The following UGGT1 variants were observed in gnomAD, a reference collection of about 807,000 sequenced individuals.
UGGT1 encodes UDP-glucose:glycoprotein glucosyltransferase 1.
A neutral mutation model predicts 203.9 loss-of-function variants in UGGT1; 107 were observed. The observed-to-expected ratio is 0.52, with a 90% CI of 0.45 to 0.62. The LOEUF (loss-of-function observed/expected upper bound fraction) is 0.62. Ranked by LOEUF, UGGT1 falls within the 20% of genes least tolerant of loss-of-function variation. UGGT1 has a pLI of 0.00. For missense variants in UGGT1, 1,673 were observed against 1,867.2 expected, an observed-to-expected ratio of 0.90 and a Z score of 1.92; for synonymous variants, 628 against 653.5, an observed-to-expected ratio of 0.96 and a Z score of 0.59.
chr2:128,129,025 C>A lies in UGGT1; in HGVS notation c.1227-4C>A. On this transcript the variant is annotated splice_region_variant and splice_polypyrimidine_tract_variant and intron_variant, in intron 12 of 40. Coordinates refer to ENST00000259253, the MANE Select transcript of UGGT1 (RefSeq NM_020120.4). Reference sequence around the variant, plus strand: ...TAAATATCTCTTTTTGTTTTTCCCCCCAGTCTGTTTGATGTGTTGAGGAAT... The same window carrying A: ...TAAATATCTCTTTTTGTTTTTCCCCACAGTCTGTTTGATGTGTTGAGGAAT... 1 of 1,560,814 alleles carries A rather than the reference C, an allele frequency of 6.4e-7. No individual in the cohort carries two copies. The highest frequency in any genetic ancestry group is 8.6e-7 in the Non-Finnish European group (1 of 1,159,542).
chr2:128,190,133 T>C lies in UGGT1; in HGVS notation c.*391T>C, dbSNP rs994231482. ...CACCATGTTCTTCCTTACCTCAGTT[T>C]ACCTGCGGCCTGCGCTGCACTGCAG... On this transcript the variant is annotated 3_prime_UTR_variant, in exon 41 of 41. Coordinates refer to ENST00000259253, the MANE Select transcript of UGGT1 (RefSeq NM_020120.4). 1.7e-5 allele frequency: 3 copies of C among 179,710 alleles called. No individual in the cohort carries two copies. The highest frequency in any genetic ancestry group is 7.0e-5 in the African/African-American group (3 of 42,682). 11.1% of individuals were successfully genotyped at this position (179,710 alleles called of 1,614,324 possible). A position where few individuals can be genotyped will look rare whatever the true frequency, so the allele number is the denominator to read the frequency against.
rs141834309 is a variant in UGGT1 at position 128,130,481 on chromosome 2, G to A, written c.1377+1302G>A. 4.9e-3 allele frequency among the ~76,000 whole-genome samples: 744 copies of A among 152,226 alleles called. 4 individuals carry two copies. Among genetic ancestry groups the A allele is most frequent in the Non-Finnish European group, 8.0e-3 (545 of 68,000 alleles). ...TTATTTTGATGAAGACATTGTTAAT[G>A]TCATTTGCTTTTCTGTTAAAAGTAC... is the stretch of plus-strand genomic sequence containing the variant. On this transcript the variant is annotated intron_variant, in intron 13 of 40. Coordinates refer to ENST00000259253, the MANE Select transcript of UGGT1 (RefSeq NM_020120.4).
intron 11 of UGGT1, among the ~76,000 whole-genome samples, chr2:128,125,263 G>T (rs1231848325): frequency 1.3e-5 from 2 of 152,050 alleles, no homozygotes; most frequent in Admixed American, 1.3e-4. Flanking sequence ...CAGGGAATGA[G>T]CCTTCATTTT....
chr2:128,177,779 G>T, intron 32 of UGGT1, 53 bp from the exon 33 acceptor site: 2 of 1,477,214 alleles, frequency 1.4e-6, no homozygotes, highest in South Asian at 2.6e-5. Context: ...GTGAGAGGCA[G>T]TTTTATGCCT....
At position 128,159,705 on chromosome 2, in the gene UGGT1, G is replaced by A. The variant is rs776432643; in HGVS notation, c.2547G>A (p.Ala849=). The A allele has an allele frequency of 1.2e-5, 19 of 1,613,966 alleles. No individual in the cohort carries two copies. The highest frequency in any genetic ancestry group is 4.0e-5 in the African/African-American group (3 of 74,906). ...CCCTGGCTGCAGGAGCTGACATTGC[G>A]GAGTTCTCTGTTGGGGTAAGGCTCT... is the stretch of plus-strand genomic sequence containing the variant. ...AEALAAGADI[A]EFSVGGMDFS... is the part of the protein sequence containing the mutation. The change falls in exon 23 of 41, where the codon GCG becomes GCA. Residue 849 remains alanine (A), a synonymous_variant. Coordinates refer to ENST00000259253, the MANE Select transcript of UGGT1 (RefSeq NM_020120.4).
intron 5 of UGGT1, among the ~76,000 whole-genome samples, chr2:128,111,228 G>A (rs868722752): frequency 2.6e-5 from 4 of 152,040 alleles, no homozygotes; most frequent in Non-Finnish European, 4.4e-5. Context: ...CCACGCACAC[G>A]CCTTTGGTCC....
chr2:128,163,561 A>G (rs1482860312), intron 25 of UGGT1, among the ~76,000 whole-genome samples: 2 of 151,968 alleles, frequency 1.3e-5, no homozygotes, highest in African/African-American at 4.8e-5. Context: ...TAAAAATACA[A>G]AAAATTAGCC....
chr2:128,191,189 G>T lies in UGGT1; in HGVS notation c.*1447G>T, dbSNP rs1433909100. Reference sequence around the variant, plus strand: ...AAAATACGAGGAGAGGGTGCAGATGGATACTGTGCCCTCACCCTCCTAAGC... The same window carrying T: ...AAAATACGAGGAGAGGGTGCAGATGTATACTGTGCCCTCACCCTCCTAAGC... On this transcript the variant is annotated 3_prime_UTR_variant, in exon 41 of 41. Transcript: ENST00000259253. 6.6e-6 allele frequency: 1 copy of T among 152,236 alleles called. No homozygotes were observed. Among genetic ancestry groups the T allele is most frequent in the African/African-American group, 2.4e-5 (1 of 41,458 alleles). 9.4% of individuals were successfully genotyped at this position (152,236 alleles called of 1,614,324 possible).
chr2:128,164,521 G>T (rs541474466), intron 25 of UGGT1, among the ~76,000 whole-genome samples: 1 of 152,318 alleles, frequency 6.6e-6, no homozygotes, highest in South Asian at 2.1e-4. Context: ...TGCAGCGTGG[G>T]TGCTGTCTCC....
intron 29 of UGGT1, among the ~76,000 whole-genome samples, chr2:128,173,319 A>G (rs1691210171): frequency 6.6e-6 from 1 of 152,242 alleles, no homozygotes; most frequent in African/African-American, 2.4e-5. Flanking sequence ...GTTGTTATGA[A>G]TAATGCTGCT....
Position 128,112,473 on chromosome 2 carries a change from T to TA in UGGT1, c.522-611_522-610insA, listed in dbSNP as rs1553433485. On this transcript the variant is annotated intron_variant, in intron 5 of 40. Transcript: ENST00000259253. Reference sequence around the variant, plus strand: ...ACTATGTTATATATATATATATATATTACATACATACATACTCAAGTTTTA... The same window carrying TA: ...ACTATGTTATATATATATATATATATATACATACATACATACTCAAGTTTTA... Among the ~76,000 whole-genome samples the TA allele has an allele frequency of 4.5e-4, 54 of 120,354 alleles. 1 individual carries two copies. Among genetic ancestry groups the TA allele is most frequent in the East Asian group, 1.9e-3 (7 of 3,672 alleles). The allele number at this position is 120,354 out of a possible 152,430, so 79.0% of individuals were successfully genotyped here.
At chr2:128,153,062 G>C (rs1052098939) in intron 19 of UGGT1, among the ~76,000 whole-genome samples, 158 bp downstream of exon 19, 1 of 152,058 alleles carries the variant, frequency 6.6e-6, no homozygotes, top group African/African-American at 2.4e-5. Flanking sequence ...TGCACCTTTA[G>C]TTCATAATAT....
chr2:128,175,938 A>G (rs915858651), intron 31 of UGGT1, among the ~76,000 whole-genome samples: 14 of 152,278 alleles, frequency 9.2e-5, no homozygotes, highest in African/African-American at 2.9e-4. Flanking sequence ...GCTGTTGATT[A>G]GTAGGGAAAC....
rs202199544 is a variant in UGGT1, at chr2:128,160,568, A to T, written c.2671A>T (p.Arg891Trp). Residue 891 changes from arginine to tryptophan, a missense_variant, in exon 24 of 41, where the codon AGG becomes TGG. By Grantham distance (101) the Arg-to-Trp change is moderately radical. Coordinates refer to ENST00000259253, the MANE Select transcript of UGGT1 (RefSeq NM_020120.4). ...RDVLKLKKGQ[R>W]AVISNGRIIG... is the part of the protein sequence containing the mutation. ...TGTTCTGAAGCTGAAGAAGGGACAG[A>T]GGGCAGTGATCAGCAATGGAAGGGT... is the stretch of plus-strand genomic sequence containing the variant. 33 of 1,613,056 alleles carry T rather than the reference A, an allele frequency of 2.0e-5. No homozygotes were observed. Among genetic ancestry groups the T allele is most frequent in the Admixed American group, 1.2e-4 (7 of 59,768 alleles).
At chr2:128,169,015 C>G (rs1690944661) in intron 26 of UGGT1, among the ~76,000 whole-genome samples, 1 of 134,346 alleles carries the variant, frequency 7.4e-6, no homozygotes, top group Admixed American at 8.2e-5. Context: ...CCACTATACT[C>G]CCAGCCTGGG....
chr2:128,091,831 T>C (rs979538134), intron 1 of UGGT1, among the ~76,000 whole-genome samples: 3 of 152,254 alleles, frequency 2.0e-5, no homozygotes, highest in Admixed American at 6.5e-5. Flanking sequence ...TTCGGGTTGA[T>C]GCGTATTGGT....
chr2:128,184,190 A>G (rs1034398966), intron 38 of UGGT1, among the ~76,000 whole-genome samples: 2 of 152,226 alleles, frequency 1.3e-5, no homozygotes, highest in African/African-American at 4.8e-5. Flanking sequence ...ACAGTATAGT[A>G]TCACAGCTTC....
chr2:128,121,999 T>A (rs1213134330), intron 10 of UGGT1, among the ~76,000 whole-genome samples: 2 of 152,190 alleles, frequency 1.3e-5, no homozygotes, highest in Non-Finnish European at 2.9e-5. Flanking sequence ...GTTTTACATA[T>A]GTCATCTTAT....
At chr2:128,118,017 G>GAGC (rs1688211691) in intron 8 of UGGT1, among the ~76,000 whole-genome samples, 2 of 148,940 alleles carry the variant, frequency 1.3e-5, no homozygotes, top group African/African-American at 2.5e-5. Flanking sequence ...AGAGAGAGAG[G>GAGC]GAAAGAGAGA....
Sources: gnomAD v4.1 joint callset for allele counts (sites outside exome capture counted in the v4.1 genomes callset) on GRCh38, gnomAD v4.1.1 for gene constraint, MANE v1.5 for transcripts, NCBI Gene and HGNC (gene_info 2026-07-23, HGNC 2026-07-21) for gene names.